Variants in PGM1 observed in about 807,000 individuals in gnomAD.
PGM1 encodes the protein phosphoglucomutase 1, also known as phosphoglucomutase-1.
PGM1 carries 52 observed loss-of-function variants against 55.6 expected under a neutral mutation model. The observed-to-expected ratio is 0.94, with a 90% CI of 0.75 to 1.18. The LOEUF (loss-of-function observed/expected upper bound fraction) is 1.18, where lower values mean the gene tolerates loss of function less well. Ranked by LOEUF, PGM1 falls within the 50% of genes most tolerant of loss-of-function variation. The probability of loss-of-function intolerance (pLI) is 0.00; values close to 1 mark genes in which losing one functional copy is unlikely to be tolerated. For synonymous variants in PGM1, 287 were observed against 271.7 expected (o/e 1.06, Z -0.55); for missense variants, 724 against 729.3 (o/e 0.99, Z 0.08).
intron 1 of PGM1, chr1:63,623,756 A>C: frequency 6.2e-7 from 1 of 1,606,656 alleles, no homozygotes; most frequent in Non-Finnish European, 8.5e-7. Flanking sequence ...GCAGCTGCCA[A>C]TGGGGTGGGT....
At chr1:63,644,343 G>C (rs1649597398) in intron 7 of PGM1, among the ~76,000 whole-genome samples, 1 of 152,234 alleles carries the variant, frequency 6.6e-6, no homozygotes, top group South Asian at 2.1e-4. Flanking sequence ...TCCTTGCCCA[G>C]AGTGTTTTAC....
intron 1 of PGM1, among the ~76,000 whole-genome samples, chr1:63,616,514 T>C (rs189409081): frequency 6.6e-6 from 1 of 152,344 alleles, no homozygotes; most frequent in African/African-American, 2.4e-5. Flanking sequence ...TAAAATGATT[T>C]GTTGGCTTAT....
At chr1:63,613,703 CTTTTT>C (rs56355869) in intron 1 of PGM1, among the ~76,000 whole-genome samples, 6 of 121,554 alleles carry the variant, frequency 4.9e-5, no homozygotes, top group African/African-American at 3.1e-5. Context: ...TTCAATGTAT[CTTTTT>C]TTTTTTTTTT....
At chr1:63,643,994 G>T (rs1371018137) in intron 7 of PGM1, among the ~76,000 whole-genome samples, 1 of 152,220 alleles carries the variant, frequency 6.6e-6, no homozygotes, top group East Asian at 1.9e-4. Flanking sequence ...CCATGCAGCT[G>T]TTTTTCAGCT....
chr1:63,621,203 T>C (rs1648870297), intron 1 of PGM1, among the ~76,000 whole-genome samples: 1 of 152,004 alleles, frequency 6.6e-6, no homozygotes, highest in Non-Finnish European at 1.5e-5. Flanking sequence ...ATGCCTGGCA[T>C]GTGTCGTTGC....
At chr1:63,629,347 G>C in intron 1 of PGM1, 78 bp from the exon 2 acceptor site, 1 of 1,210,990 alleles carries the variant, frequency 8.3e-7, no homozygotes, top group South Asian at 1.2e-5. Flanking sequence ...CCATCTGCCT[G>C]TTGTCTTGGT....
chr1:63,602,825 T>C (rs1284633870), intron 1 of PGM1, among the ~76,000 whole-genome samples: 2 of 152,094 alleles, frequency 1.3e-5, no homozygotes, highest in East Asian at 1.9e-4. Flanking sequence ...CCTCACATGC[T>C]TGGGACTTAA....
At chr1:63,659,471 T>C (rs996899644) in intron 10 of PGM1, 115 bp from the exon 11 acceptor site, 13 of 811,510 alleles carry the variant, frequency 1.6e-5, no homozygotes, top group Non-Finnish European at 2.6e-5. Context: ...TTTGGATTTG[T>C]GGAGTTTGAG....
Position 63,593,749 on chromosome 1 carries a change from GC to G in PGM1, c.246+19del. On this transcript the variant is annotated intron_variant, in intron 1 of 10. Transcript: ENST00000371084. Reference sequence around the variant, plus strand: ...CCGCCAACGGGGTAAGGGATGCGCGGCCCCGCGCCGCTGTGCACCCTGGCGC... The same window carrying G: ...CCGCCAACGGGGTAAGGGATGCGCGGCCCGCGCCGCTGTGCACCCTGGCGC... 1.3e-6 allele frequency: 2 copies of G among 1,579,990 alleles called. No individual in the cohort carries two copies.
chr1:63,643,680 C>T lies in PGM1; in HGVS notation c.1145-4837C>T, dbSNP rs368886753. Reference sequence around the variant, plus strand: ...GCCTCCCAGCCAGTCAACTGGGGCCCGGCCATTCTTTGGGCAGACTGTCTT... The same window carrying T: ...GCCTCCCAGCCAGTCAACTGGGGCCTGGCCATTCTTTGGGCAGACTGTCTT... On this transcript the variant is annotated intron_variant, in intron 7 of 10. Transcript: ENST00000371084. Among the ~76,000 whole-genome samples the T allele has an allele frequency of 9.2e-5, 14 of 152,354 alleles. 3 individuals carry two copies. Among genetic ancestry groups the T allele is most frequent in the South Asian group, 2.1e-4 (1 of 4,820 alleles).
chr1:63,632,876 A>C (rs1649234083), intron 4 of PGM1, among the ~76,000 whole-genome samples: 1 of 152,086 alleles, frequency 6.6e-6, no homozygotes, highest in Non-Finnish European at 1.5e-5. Flanking sequence ...ACAAAAAATT[A>C]GTCGGGTGTG....
Position 63,635,034 on chromosome 1 carries a change from A to C in PGM1, c.873+15A>C. On this transcript the variant is annotated intron_variant, in intron 5 of 10. Coordinates refer to ENST00000371084, the MANE Select transcript of PGM1 (RefSeq NM_002633.3). ...ATGGAGATGGGGTGGGTATAAGTGC[A>C]TTTAAGTGAACTCTGGTGCAGGCCA... The C allele has an allele frequency of 1.2e-6, 2 of 1,610,172 alleles. No homozygotes were observed. Among genetic ancestry groups the C allele is most frequent in the Non-Finnish European group, 1.7e-6 (2 of 1,176,780 alleles).
At chr1:63,627,700 G>A (rs779271994) in intron 1 of PGM1, among the ~76,000 whole-genome samples, 14 of 152,084 alleles carry the variant, frequency 9.2e-5, no homozygotes, top group Non-Finnish European at 1.8e-4. Flanking sequence ...GGTGACATGG[G>A]TGGTGTAGCT....
intron 4 of PGM1, among the ~76,000 whole-genome samples, chr1:63,632,735 G>A (rs1297003712): frequency 2.0e-5 from 3 of 152,160 alleles, no homozygotes; most frequent in Non-Finnish European, 2.9e-5. Context: ...CCCCGGGGTC[G>A]GGCGCGGTGG....
chr1:63,601,651 T>C (rs908265615), intron 1 of PGM1, among the ~76,000 whole-genome samples: 1 of 152,130 alleles, frequency 6.6e-6, no homozygotes, highest in Non-Finnish European at 1.5e-5. Flanking sequence ...GGAGAAGACT[T>C]TTCTCCCCTG....
intron 1 of PGM1, among the ~76,000 whole-genome samples, chr1:63,614,328 G>A (rs182870760): frequency 2.6e-5 from 4 of 152,222 alleles, no homozygotes; most frequent in South Asian, 2.1e-4. Context: ...GTTATGTAGC[G>A]CTACAGTCTA....
At chr1:63,634,167 G>A (rs1370970708) in intron 4 of PGM1, among the ~76,000 whole-genome samples, 2 of 151,262 alleles carry the variant, frequency 1.3e-5, no homozygotes, top group Non-Finnish European at 2.9e-5. Context: ...ACTTTTCCTA[G>A]CCATGTAAGT....
chr1:63,624,046 C>T (rs977180770), intron 1 of PGM1, among the ~76,000 whole-genome samples: 2 of 152,180 alleles, frequency 1.3e-5, no homozygotes, highest in Non-Finnish European at 2.9e-5. Context: ...AGCACACTCC[C>T]GGTCTTAAGC....
chr1:63,618,465 C>T (rs1223684739), intron 1 of PGM1, among the ~76,000 whole-genome samples: 1 of 152,186 alleles, frequency 6.6e-6, no homozygotes, highest in Non-Finnish European at 1.5e-5. Context: ...CAAGGCTAAT[C>T]TTTAGATAAA....
Sources: allele counts gnomAD v4.1 joint callset (sites outside exome capture counted in the v4.1 genomes callset), GRCh38; gene constraint gnomAD v4.1.1; transcripts MANE v1.5; gene names NCBI Gene and HGNC (gene_info 2026-07-23, HGNC 2026-07-21).